The following RHBDD1 variants were observed in gnomAD, a reference collection of about 807,000 sequenced individuals.
RHBDD1 encodes rhomboid-related protein 4.
RHBDD1 carries 38 observed loss-of-function variants against 36.3 expected under a neutral mutation model. The observed-to-expected ratio is 1.05, with a 90% CI of 0.81 to 1.37. RHBDD1 has a LOEUF of 1.37. Among genes scored for constraint, RHBDD1 ranks in the 40% most tolerant of loss-of-function variants. RHBDD1 has a pLI of 0.00. For missense variants in RHBDD1, 393 were observed against 377.6 expected (o/e 1.04, Z -0.34); for synonymous variants, 151 against 136.5 (o/e 1.11, Z -0.74).
chr2:226,821,714 T>C, the RHBDD1 span, among the ~76,000 whole-genome samples: 1 of 152,136 alleles, frequency 6.6e-6, no homozygotes, highest in African/African-American at 2.4e-5. Context: ...TCTCATTTTC[T>C]ACACTATAAA....
intron 8 of RHBDD1, among the ~76,000 whole-genome samples, chr2:226,948,601 TA>T (rs60725545): frequency 0.07 from 8,547 of 122,240 alleles, 308 homozygotes; most frequent in Middle Eastern, 0.12. Context: ...AAAATAAAAA[TA>T]AAAAAAAATA....
At chr2:226,858,104 G>A (rs1943510283) in intron 3 of RHBDD1, among the ~76,000 whole-genome samples, 1 of 152,170 alleles carries the variant, frequency 6.6e-6, no homozygotes, top group Non-Finnish European at 1.5e-5. Context: ...GCATCTGGAA[G>A]GTCAGGTTTT....
chr2:226,964,122 G>A (rs1280280852), intron 8 of RHBDD1, among the ~76,000 whole-genome samples: 1 of 152,106 alleles, frequency 6.6e-6, no homozygotes, highest in Non-Finnish European at 1.5e-5. Flanking sequence ...AGAGAGAGAG[G>A]AAGAGAGCAA....
intron 3 of RHBDD1, among the ~76,000 whole-genome samples, chr2:226,842,671 C>G (rs1280309750): frequency 6.6e-6 from 1 of 152,146 alleles, no homozygotes; most frequent in East Asian, 1.9e-4. Context: ...CAGTACCATG[C>G]TGTTTTCGTT....
At chr2:226,826,956 A>T in the RHBDD1 span, among the ~76,000 whole-genome samples, 16 of 152,188 alleles carry the variant, frequency 1.1e-4, no homozygotes, top group East Asian at 3.9e-4. Context: ...GATTACATTT[A>T]AAAAATTTTT....
rs185767310 is a variant in RHBDD1, at chr2:226,949,933, A to G, written c.856+35582A>G. Among the ~76,000 whole-genome samples the G allele has an allele frequency of 2.0e-5, 3 of 152,304 alleles. No homozygotes were observed. The East Asian group carries it at 5.8e-4, about 29-fold the overall frequency. The stretch of plus-strand genomic sequence containing the variant: ...TCTAATGGCCTTATTTGTAAAAATT[A>G]ATTATTTAGTTGATCAAAATTGTAT... On this transcript the variant is annotated intron_variant, in intron 8 of 8. Coordinates refer to ENST00000392062, the MANE Select transcript of RHBDD1 (RefSeq NM_001167608.3).
intron 8 of RHBDD1, among the ~76,000 whole-genome samples, chr2:226,928,019 C>T (rs1166005782): frequency 2.0e-5 from 3 of 152,034 alleles, no homozygotes; most frequent in Non-Finnish European, 4.4e-5. Context: ...TTTGATGTAA[C>T]CCAAGACCAT....
chr2:226,946,832 G>A (rs1396272744), intron 8 of RHBDD1, among the ~76,000 whole-genome samples: 1 of 152,130 alleles, frequency 6.6e-6, no homozygotes, highest in Admixed American at 6.6e-5. Flanking sequence ...AACAAGTTCT[G>A]AAATGTATGT....
At chr2:226,819,975 G>GT in the RHBDD1 span, among the ~76,000 whole-genome samples, 35 of 81,926 alleles carry the variant, frequency 4.3e-4, no homozygotes, top group African/African-American at 1.9e-3. Flanking sequence ...CATATTGTGT[G>GT]TGTTTTTTTT....
chr2:226,873,714 G>T (rs1398823698), intron 5 of RHBDD1, among the ~76,000 whole-genome samples: 1 of 152,172 alleles, frequency 6.6e-6, no homozygotes, highest in African/African-American at 2.4e-5. Flanking sequence ...GAAATTGGTA[G>T]TCAGAGGAGA....
At chr2:226,965,094 G>A (rs1327008766) in intron 8 of RHBDD1, among the ~76,000 whole-genome samples, 1 of 152,114 alleles carries the variant, frequency 6.6e-6, no homozygotes, top group Admixed American at 6.5e-5. Context: ...CTCTTTGCAG[G>A]TAATTAAGGT....
chr2:226,929,414 A>C (rs1446429714), intron 8 of RHBDD1, among the ~76,000 whole-genome samples: 1 of 152,074 alleles, frequency 6.6e-6, no homozygotes, highest in African/African-American at 2.4e-5. Context: ...TGATCATCTC[A>C]ATTGATGCAT....
intron 8 of RHBDD1, among the ~76,000 whole-genome samples, chr2:226,952,579 A>T (rs890501160): frequency 6.6e-6 from 1 of 152,154 alleles, no homozygotes; most frequent in African/African-American, 2.4e-5. Context: ...ATGAGCCACC[A>T]TTCCCGGCCT....
chr2:226,930,180 A>G (rs1466480244), intron 8 of RHBDD1, among the ~76,000 whole-genome samples: 8 of 152,040 alleles, frequency 5.3e-5, no homozygotes, highest in Admixed American at 2.0e-4. Flanking sequence ...ATATGGAACC[A>G]AAAAAGAGCC....
At chr2:226,982,352 C>T (rs1224572218) in intron 8 of RHBDD1, among the ~76,000 whole-genome samples, 1 of 152,250 alleles carries the variant, frequency 6.6e-6, no homozygotes, top group East Asian at 1.9e-4. Flanking sequence ...CAGATAATCT[C>T]AGGGACAATA....
chr2:226,921,449 C>G (rs1949307987), intron 8 of RHBDD1, among the ~76,000 whole-genome samples: 2 of 151,914 alleles, frequency 1.3e-5, no homozygotes, highest in African/African-American at 4.8e-5. Flanking sequence ...GTTTTTCTAC[C>G]TTTTAGATAC....
At chr2:226,878,289 T>G (rs1945411761) in intron 5 of RHBDD1, among the ~76,000 whole-genome samples, 1 of 151,144 alleles carries the variant, frequency 6.6e-6, no homozygotes, top group Non-Finnish European at 1.5e-5. Context: ...GGACTTGAAC[T>G]GTTAACTCTT....
At chr2:226,908,705 T>C (rs1386581073) in intron 6 of RHBDD1, 117 bp from the exon 7 acceptor site, 1 of 754,320 alleles carries the variant, frequency 1.3e-6, no homozygotes, top group East Asian at 2.5e-5. Flanking sequence ...TTAATAAGTG[T>C]TTAGAAATCA....
intron 5 of RHBDD1, among the ~76,000 whole-genome samples, chr2:226,890,389 A>G (rs1469512354): frequency 6.6e-6 from 1 of 152,190 alleles, no homozygotes; most frequent in African/African-American, 2.4e-5. Context: ...GAATGGAGCT[A>G]TATCTGTTAG....
Sources: allele counts gnomAD v4.1 joint callset (sites outside exome capture counted in the v4.1 genomes callset), GRCh38; gene constraint gnomAD v4.1.1; transcripts MANE v1.5; gene names NCBI Gene and HGNC (gene_info 2026-07-23, HGNC 2026-07-21).